Variants in MAST1 observed in about 807,000 individuals in gnomAD.
The protein encoded by MAST1 is microtubule associated serine/threonine kinase 1, also known as microtubule-associated serine/threonine-protein kinase 1.
Under a neutral mutation model 124.6 loss-of-function variants are expected in MAST1, and 40 were observed. The ratio of observed to expected loss-of-function variants is 0.32; its 90% CI spans 0.25 to 0.42. MAST1 has a LOEUF of 0.42. MAST1 is among the 10% of genes least tolerant of loss of function. The pLI is 1.00. For synonymous variants in MAST1, 938 were observed against 939.4 expected (o/e 1.00, Z 0.03); for missense variants, 1,558 against 2,181.9 (o/e 0.71, Z 5.70).
Position 12,874,825 on chromosome 19 carries a change from C to A in MAST1, c.4668C>A (p.Gly1556=). ...CTGCTGAAGCTGTGCCCCCAGCAGG[C>A]CTGACCAAAAAAGGAGTGTCCAGTC... ...RCPAEAVPPA[G]LTKKGVSSPA... Residue 1556 remains glycine (G), a synonymous_variant, in exon 26 of 26, where the codon GGC becomes GGA. Coordinates refer to ENST00000251472, the MANE Select transcript of MAST1 (RefSeq NM_014975.3). The surrounding 1 kb of genome is among the most constrained non-coding windows in gnomAD (Gnocchi z 6.6). 1.3e-6 allele frequency: 2 copies of A among 1,599,626 alleles called. No individual in the cohort carries two copies. The highest frequency in any genetic ancestry group is 1.7e-5 in the Admixed American group (1 of 59,238).
chr19:12,874,779 T>A lies in MAST1; in HGVS notation c.4622T>A (p.Val1541Glu), dbSNP rs1375364497. The part of the protein sequence containing the change: ...SLLGSGTKPQ[V>E]GLTSRCPAEA... ...TTGGGCTCAGGCACCAAGCCTCAAG[T>A]GGGGCTGACCTCCCGGTGCCCTGCT... is the stretch of plus-strand genomic sequence containing the variant. Residue 1541 changes from valine (V) to glutamate (E), a missense_variant, in exon 26 of 26, where the codon GTG (valine) becomes GAG (glutamate). By Grantham distance (121) the Val-to-Glu change is moderately radical (BLOSUM62 -2). Around this residue, in one of 10 missense-constraint regions of MAST1, gnomAD observed 168 missense variants for 154.3 expected, o/e 1.09. Coordinates refer to ENST00000251472, the MANE Select transcript of MAST1 (RefSeq NM_014975.3). The surrounding 1 kb of genome is among the most constrained non-coding windows in gnomAD (Gnocchi z 6.6). 3 of 1,604,174 alleles carry A rather than the reference T, an allele frequency of 1.9e-6. No homozygotes were observed. In the African/African-American group the frequency reaches 4.0e-5, roughly 21 times the overall value.
rs1970193362 is a variant in MAST1, at chr19:12,868,651, C to T, written c.2575C>T (p.Pro859Ser). The change falls in exon 21 of 26, where the codon CCA becomes TCA. Residue 859 changes from proline (P) to serine (S), a missense_variant. Pro to Ser is a moderately conservative substitution (Grantham distance 74). Around this residue, in one of 10 missense-constraint regions of MAST1, gnomAD observed 287 missense variants for 308.0 expected, o/e 0.93. Transcript: ENST00000251472. ...SAGDSEATDR[P>S]RPGDLCPPSK... Reference sequence around the variant, plus strand: ...CTTGCTTTCTGTTGCAGCTGACCGTCCACGCCCAGGTGACCTCTGCCCACC... The same window carrying T: ...CTTGCTTTCTGTTGCAGCTGACCGTTCACGCCCAGGTGACCTCTGCCCACC... 1 of 1,591,864 alleles carries T rather than the reference C, an allele frequency of 6.3e-7. No individual in the cohort carries two copies. Among genetic ancestry groups the T allele is most frequent in the Non-Finnish European group, 8.6e-7 (1 of 1,166,996 alleles).
At position 12,838,590 on chromosome 19, in the gene MAST1, G is replaced by T; in HGVS notation, c.18G>T (p.Trp6Cys). The change falls in exon 1 of 26, where the codon TGG becomes TGT. Residue 6 changes from tryptophan (W) to cysteine (C), a missense_variant. Transcript: ENST00000251472. This position sits in a 1 kb window ranked among gnomAD's most constrained non-coding sequence, Gnocchi z 4.3. ...GCCGGGTCATGTCTGACTCTCTCTG[G>T]ACCGCGCTTTCTAATTTCTCGATGC... is the stretch of plus-strand genomic sequence containing the variant. MSDSL[W>C]TALSNFSMPS... 6.2e-7 allele frequency: 1 copy of T among 1,609,392 alleles called. No homozygotes were observed. Among genetic ancestry groups the T allele is most frequent in the African/African-American group, 1.3e-5 (1 of 74,416 alleles).
intron 4 of MAST1, among the ~76,000 whole-genome samples, chr19:12,844,936 C>T (rs1274783745): frequency 6.6e-6 from 1 of 151,828 alleles, no homozygotes; most frequent in African/African-American, 2.4e-5. Flanking sequence ...ATAATGCACA[C>T]TAATTAAAAA....
In MAST1 at chr19:12,873,900, C is replaced by A. The variant is rs1342995294; in HGVS notation, c.3743C>A (p.Pro1248Gln). 1 of 1,581,262 alleles carries A rather than the reference C, an allele frequency of 6.3e-7. No homozygotes were observed. The highest frequency in any genetic ancestry group is 2.3e-5 in the East Asian group (1 of 44,038). ...KLHSSPPVVRPRPKSAEPPRS... is the reference protein window; with the variant it reads ...KLHSSPPVVRQRPKSAEPPRS... The stretch of plus-strand genomic sequence containing the variant: ...CACTCATCGCCTCCCGTCGTGCGCC[C>A]GCGCCCCAAGAGTGCCGAGCCCCCT... Residue 1248 changes from proline (P) to glutamine (Q), a missense_variant, in exon 26 of 26, where the codon CCG (proline) becomes CAG (glutamine). This residue lies in a region of MAST1 where 291 missense variants were observed against 475.8 expected (regional missense o/e 0.61). Transcript: ENST00000251472.
chr19:12,874,148 C>T lies in MAST1; in HGVS notation c.3991C>T (p.Leu1331=). 4 of 1,540,714 alleles carry T rather than the reference C, an allele frequency of 2.6e-6. No individual in the cohort carries two copies. Among genetic ancestry groups the T allele is most frequent in the Non-Finnish European group, 2.6e-6 (3 of 1,145,746 alleles). Reference sequence around the variant, plus strand: ...GCCCCGGCAGGTCGCCGTCCGCCGCCTGGGCCGACAGGAGTCACCTTTGAG... The same window carrying T: ...GCCCCGGCAGGTCGCCGTCCGCCGCTTGGGCCGACAGGAGTCACCTTTGAG... ...GAPRQVAVRR[L]GRQESPLSLG... Residue 1331 remains leucine, a synonymous_variant, in exon 26 of 26, where the codon CTG becomes TTG. Coordinates refer to ENST00000251472, the MANE Select transcript of MAST1 (RefSeq NM_014975.3). The surrounding 1 kb of genome is among the most constrained non-coding windows in gnomAD (Gnocchi z 6.6).
intron 3 of MAST1, among the ~76,000 whole-genome samples, chr19:12,842,683 G>A (rs752535334): frequency 4.6e-5 from 7 of 152,216 alleles, no homozygotes; most frequent in Non-Finnish European, 8.8e-5. Flanking sequence ...GTGTCCCTGT[G>A]TGTGTGCATC....
In MAST1 at chr19:12,866,170, G is replaced by A. The variant is rs1207089113; in HGVS notation, c.2029+68G>A. 6.9e-7 allele frequency: 1 copy of A among 1,456,726 alleles called. No individual in the cohort carries two copies. Among genetic ancestry groups the A allele is most frequent in the Non-Finnish European group, 9.2e-7 (1 of 1,083,354 alleles). The allele number at this position is 1,456,726 out of a possible 1,614,324, so 90.2% of individuals were successfully genotyped here. On this transcript the variant is annotated intron_variant, in intron 17 of 25. Transcript: ENST00000251472. This position sits in a 1 kb window ranked among gnomAD's most constrained non-coding sequence, Gnocchi z 5.2. Reference sequence around the variant, plus strand: ...TCCGGGAAGAGGGACCCTGGGGTAAGTAAAGCCTGGGATAGGGCCTGGCTA... The same window carrying A: ...TCCGGGAAGAGGGACCCTGGGGTAAATAAAGCCTGGGATAGGGCCTGGCTA...
In MAST1 at chr19:12,847,835, G is replaced by T. The variant is rs1486625165; in HGVS notation, c.565-13G>T. 16 of 1,603,350 alleles carry T rather than the reference G, an allele frequency of 1.0e-5. No homozygotes were observed. The highest frequency in any genetic ancestry group is 3.4e-5 in the Admixed American group (2 of 58,684). On this transcript the variant is annotated splice_polypyrimidine_tract_variant and intron_variant, in intron 6 of 25. Coordinates refer to ENST00000251472, the MANE Select transcript of MAST1 (RefSeq NM_014975.3). The surrounding 1 kb of genome is among the most constrained non-coding windows in gnomAD (Gnocchi z 5.5). ...GGGCACAGCCCCGCGCCCCTCCTCC[G>T]TCCCTCCCGCAGGCCACTGCGCAGA...
At chr19:12,864,431 C>T (rs1970124665) in intron 12 of MAST1, among the ~76,000 whole-genome samples, 1 of 151,602 alleles carries the variant, frequency 6.6e-6, no homozygotes, top group Non-Finnish European at 1.5e-5. Flanking sequence ...GACCAAGAAT[C>T]TGCATCTAAG....
chr19:12,855,398 GATTGCT>G (rs1171096065), intron 10 of MAST1, among the ~76,000 whole-genome samples: 1 of 152,034 alleles, frequency 6.6e-6, no homozygotes, highest in Admixed American at 6.6e-5. Context: ...AAGGTGGCAG[GATTGCT>G]TGAGCCCAGG....
rs750041857 is a variant in MAST1 at position 12,858,754 on chromosome 19, G to A, written c.1366+15G>A. On this transcript the variant is annotated intron_variant, in intron 12 of 25. Coordinates refer to ENST00000251472, the MANE Select transcript of MAST1 (RefSeq NM_014975.3). ...ATATGTGGAAGGTGTGGCTGCCTGC[G>A]GGGCTGCAGGGAAGATGGGGCCGTG... is the stretch of plus-strand genomic sequence containing the variant. The A allele has an allele frequency of 6.8e-6, 11 of 1,613,660 alleles. No homozygotes were observed. The highest frequency in any genetic ancestry group is 6.6e-5 in the South Asian group (6 of 91,030).
At chr19:12,858,762 A>G (rs1329440284) in intron 12 of MAST1, 23 bp downstream of exon 12, 1 of 1,613,174 alleles carries the variant, frequency 6.2e-7, no homozygotes, top group Non-Finnish European at 8.5e-7. Context: ...GCGGGGCTGC[A>G]GGGAAGATGG....
chr19:12,852,337 A>G lies in MAST1; in HGVS notation c.1019A>G (p.His340Arg). The change falls in exon 10 of 26, where the codon CAT becomes CGT. Residue 340 changes from histidine (H) to arginine (R), a missense_variant. Transcript: ENST00000251472. ...CTCAGTCCCTCCCTAGATGTGGTGC[A>G]TCTGGAGGAACAGGACAGTGGTGGT... ...LTRDPFPDVV[H>R]LEEQDSGGSN... 6.2e-7 allele frequency: 1 copy of G among 1,614,082 alleles called. No homozygotes were observed. The highest frequency in any genetic ancestry group is 8.5e-7 in the Non-Finnish European group (1 of 1,180,004).
At chr19:12,854,104 T>C (rs1316508113) in intron 10 of MAST1, among the ~76,000 whole-genome samples, 3 of 149,562 alleles carry the variant, frequency 2.0e-5, no homozygotes, top group Non-Finnish European at 4.4e-5. Flanking sequence ...CTCTGTGGAA[T>C]TGCTTTTTCT....
intron 12 of MAST1, among the ~76,000 whole-genome samples, chr19:12,863,924 C>CTTTT (rs3064382): frequency 5.3e-5 from 7 of 132,006 alleles, no homozygotes; most frequent in South Asian, 2.5e-4. Flanking sequence ...CTACAAAAAA[C>CTTTT]TTTTTTTTTT....
At chr19:12,869,351 C>A in intron 22 of MAST1, 56 bp downstream of exon 22, 1 of 1,456,366 alleles carries the variant, frequency 6.9e-7, no homozygotes, top group Non-Finnish European at 9.5e-7. Context: ...GGGGAAAAGG[C>A]CCCTCCAGCT....
intron 24 of MAST1, among the ~76,000 whole-genome samples, chr19:12,871,897 C>T (rs181640494): frequency 3.4e-4 from 35 of 104,126 alleles, no homozygotes; most frequent in Non-Finnish European, 4.8e-4. Flanking sequence ...GCTGTGACAA[C>T]AGAGCTAGAC....
chr19:12,869,680 C>T (rs1284724973), intron 22 of MAST1, among the ~76,000 whole-genome samples: 1 of 151,728 alleles, frequency 6.6e-6, no homozygotes, highest in Non-Finnish European at 1.5e-5. Flanking sequence ...TCGTGATTCA[C>T]CCACCTCGGC....
Sources: allele counts gnomAD v4.1 joint callset (sites outside exome capture counted in the v4.1 genomes callset), GRCh38; gene constraint gnomAD v4.1.1; regional missense constraint gnomAD v4.1.1; non-coding constraint Gnocchi (gnomAD v3.1); transcripts MANE v1.5; gene names NCBI Gene and HGNC (gene_info 2026-07-23, HGNC 2026-07-21).